Variants in MIR2052HG observed in about 807,000 individuals in gnomAD.
MIR2052HG encodes MIR2052 host gene.
At position 74,632,167 on chromosome 8, in the gene MIR2052HG, G is replaced by A. The variant is rs796638848; in HGVS notation, n.216+19227G>A. ...TTCCACTCATTGCTCCTTTGCAGGC[G>A]ATCCTTATGATCTGGGCATCCCTCC... On this transcript the variant is annotated intron_variant and non_coding_transcript_variant, in intron 2 of 6. Transcript: ENST00000523442. Among the ~76,000 whole-genome samples the A allele has an allele frequency of 1.9e-4, 29 of 152,224 alleles. 1 individual carries two copies. Among genetic ancestry groups the A allele is most frequent in the African/African-American group, 6.3e-4 (26 of 41,556 alleles).
At chr8:74,701,537 C>T (rs1330619530) in intron 2 of MIR2052HG, among the ~76,000 whole-genome samples, 1 of 151,982 alleles carries the variant, frequency 6.6e-6, no homozygotes, top group East Asian at 1.9e-4. Context: ...GTTGGGGTGG[C>T]ACCAATGGTG....
intron 4 of MIR2052HG, among the ~76,000 whole-genome samples, chr8:74,730,907 T>C (rs562339622): frequency 3.3e-5 from 5 of 152,304 alleles, no homozygotes; most frequent in African/African-American, 1.2e-4. Flanking sequence ...TGGCCAGACC[T>C]TCTGCTCAGG....
At chr8:74,756,174 A>C (rs939826211) in intron 5 of MIR2052HG, among the ~76,000 whole-genome samples, 3 of 152,196 alleles carry the variant, frequency 2.0e-5, no homozygotes, top group African/African-American at 7.2e-5. Context: ...CAAAGAATAC[A>C]AGTCAGGAGT....
At chr8:74,628,208 G>A (rs562746323) in intron 2 of MIR2052HG, among the ~76,000 whole-genome samples, 1 of 152,272 alleles carries the variant, frequency 6.6e-6, no homozygotes, top group African/African-American at 2.4e-5. Flanking sequence ...GATGAGGGAA[G>A]CATAATACCA....
intron 4 of MIR2052HG, among the ~76,000 whole-genome samples, chr8:74,718,609 A>C (rs910876030): frequency 6.6e-6 from 1 of 152,208 alleles, no homozygotes; most frequent in African/African-American, 2.4e-5. Context: ...CCTAGGAACA[A>C]AGGAAGCTGG....
chr8:74,687,482 G>A (rs1809194116), intron 2 of MIR2052HG, among the ~76,000 whole-genome samples: 2 of 152,094 alleles, frequency 1.3e-5, no homozygotes, highest in African/African-American at 2.4e-5. Context: ...AAGAAAATGT[G>A]GTATATACAT....
At chr8:74,666,096 T>G (rs1025684701) in intron 2 of MIR2052HG, among the ~76,000 whole-genome samples, 1 of 152,164 alleles carries the variant, frequency 6.6e-6, no homozygotes, top group Non-Finnish European at 1.5e-5. Flanking sequence ...TCACAGTAAC[T>G]TCTAAATTCA....
intron 2 of MIR2052HG, among the ~76,000 whole-genome samples, chr8:74,622,051 C>T (rs866095935): frequency 4.6e-5 from 7 of 152,108 alleles, no homozygotes; most frequent in Admixed American, 6.5e-5. Context: ...AAGAGACAAA[C>T]GGGATTATAT....
chr8:74,652,041 T>C (rs1808758494), intron 2 of MIR2052HG, among the ~76,000 whole-genome samples: 1 of 152,156 alleles, frequency 6.6e-6, no homozygotes, highest in South Asian at 2.1e-4. Context: ...TTAGAACCCA[T>C]TTGAGGAACA....
chr8:74,745,095 CA>C (rs1295510672), intron 4 of MIR2052HG, among the ~76,000 whole-genome samples: 2 of 149,718 alleles, frequency 1.3e-5, no homozygotes, highest in South Asian at 2.1e-4. Flanking sequence ...CCTGTCTCTA[CA>C]AAAAAAAATG....
chr8:74,647,781 T>A (rs1431538014), intron 2 of MIR2052HG, among the ~76,000 whole-genome samples: 1 of 152,204 alleles, frequency 6.6e-6, no homozygotes, highest in Non-Finnish European at 1.5e-5. Flanking sequence ...CCAAAATTAA[T>A]ACTTTTATAA....
chr8:74,744,740 G>C (rs1420461179), intron 4 of MIR2052HG, among the ~76,000 whole-genome samples: 1 of 152,138 alleles, frequency 6.6e-6, no homozygotes, highest in Non-Finnish European at 1.5e-5. Flanking sequence ...GGACATTTGG[G>C]TTGGTTCCAA....
intron 4 of MIR2052HG, among the ~76,000 whole-genome samples, chr8:74,749,751 A>T (rs923317271): frequency 2.0e-5 from 3 of 150,098 alleles, no homozygotes; most frequent in Admixed American, 6.7e-5. Flanking sequence ...CAGGAGGCGG[A>T]GGCAGGAGAA....
intron 1 of MIR2052HG, among the ~76,000 whole-genome samples, chr8:74,602,516 C>CTTT (rs746190655): frequency 2.7e-5 from 4 of 147,018 alleles, no homozygotes; most frequent in South Asian, 2.1e-4. Flanking sequence ...TCTTTTCTTT[C>CTTT]TTTCTTTTTT....
chr8:74,643,079 T>A (rs1808656387), intron 2 of MIR2052HG, among the ~76,000 whole-genome samples: 1 of 152,204 alleles, frequency 6.6e-6, no homozygotes. Context: ...TAGACACATA[T>A]GTCTGCTGTC....
chr8:74,671,761 T>C (rs1808995128), intron 2 of MIR2052HG, among the ~76,000 whole-genome samples: 1 of 152,152 alleles, frequency 6.6e-6, no homozygotes, highest in Non-Finnish European at 1.5e-5. Context: ...TTGGTACTGC[T>C]CTGCACAATA....
chr8:74,712,338 T>C (rs192978761), intron 4 of MIR2052HG, among the ~76,000 whole-genome samples: 1 of 152,242 alleles, frequency 6.6e-6, no homozygotes, highest in Admixed American at 6.5e-5. Context: ...ACTAGGCAAA[T>C]GAAATAAGCC....
chr8:74,741,745 C>T (rs1809833812), intron 4 of MIR2052HG, among the ~76,000 whole-genome samples: 4 of 152,138 alleles, frequency 2.6e-5, no homozygotes, highest in South Asian at 4.1e-4. Context: ...GTGTAAGGCA[C>T]GTCACAGCCT....
chr8:74,625,584 T>G (rs1037144999), intron 2 of MIR2052HG, among the ~76,000 whole-genome samples: 1 of 152,170 alleles, frequency 6.6e-6, no homozygotes, highest in African/African-American at 2.4e-5. Flanking sequence ...TCTGTTTCTA[T>G]TTTAGAGAGT....
Sources: allele counts gnomAD v4.1 joint callset (sites outside exome capture counted in the v4.1 genomes callset), GRCh38; gene constraint gnomAD v4.1.1; transcripts MANE v1.5; gene names NCBI Gene and HGNC (gene_info 2026-07-23, HGNC 2026-07-21).